CDYL2: variants seen among roughly 807,000 people sequenced by gnomAD.
CDYL2 encodes chromodomain Y like 2.
CDYL2 carries 23 observed loss-of-function variants against 49.4 expected under a neutral mutation model. The ratio of observed to expected loss-of-function variants is 0.47; its 90% CI spans 0.34 to 0.66. The LOEUF is 0.66. Among genes scored for constraint, CDYL2 ranks in the 30% least tolerant of loss-of-function variants. The pLI, the probability that CDYL2 is intolerant of heterozygous loss-of-function variation, is 0.01. For synonymous variants in CDYL2, 360 were observed against 268.8 expected, an observed-to-expected ratio of 1.34 and a Z score of -3.32; for missense variants, 678 against 656.4, an observed-to-expected ratio of 1.03 and a Z score of -0.36.
chr16:80,663,321 C>G (rs1288810323), intron 2 of CDYL2, among the ~76,000 whole-genome samples: 9 of 151,772 alleles, frequency 5.9e-5, no homozygotes. Flanking sequence ...GAAGACTCAT[C>G]AGTTCTACAG....
chr16:80,791,591 G>GGGATTAC (rs1187425878), intron 1 of CDYL2, among the ~76,000 whole-genome samples: 2 of 152,172 alleles, frequency 1.3e-5, no homozygotes, highest in Non-Finnish European at 2.9e-5. Context: ...CACATAAGCT[G>GGGATTAC]AGATCTGAAG....
At chr16:80,688,122 C>T (rs1039811335) in intron 1 of CDYL2, among the ~76,000 whole-genome samples, 1 of 152,194 alleles carries the variant, frequency 6.6e-6, no homozygotes, top group Non-Finnish European at 1.5e-5. Context: ...GGAGGCGGAG[C>T]TTAGTTTTGT....
At chr16:80,624,678 G>A (rs948752994) in intron 3 of CDYL2, among the ~76,000 whole-genome samples, 1 of 152,156 alleles carries the variant, frequency 6.6e-6, no homozygotes, top group Non-Finnish European at 1.5e-5. Context: ...AAAAGAGACT[G>A]TAAAATAGGG....
chr16:80,693,994 A>G (rs993319206), intron 1 of CDYL2, among the ~76,000 whole-genome samples: 2 of 152,232 alleles, frequency 1.3e-5, no homozygotes, highest in African/African-American at 4.8e-5. Context: ...ATTGGACAAA[A>G]TAAAGACAAA....
intron 4 of CDYL2, among the ~76,000 whole-genome samples, chr16:80,613,775 T>C (rs1056503656): frequency 6.6e-6 from 1 of 152,230 alleles, no homozygotes; most frequent in African/African-American, 2.4e-5. Context: ...ACAAGATGTC[T>C]AGTAAAGTCT....
Position 80,604,537 on chromosome 16 carries a change from C to CAGAG in CDYL2, c.1371_1372insCTCT (p.Glu458LeufsTer2). 6.2e-7 allele frequency: 1 copy of CAGAG among 1,614,200 alleles called. No homozygotes were observed. The highest frequency in any genetic ancestry group is 8.5e-7 in the Non-Finnish European group (1 of 1,180,024). ...AAGCTCCGCACGAGGCATTTGGACT[C>CAGAG]CTCTAACACCTAGAGGGAAATAGAC... is the stretch of plus-strand genomic sequence containing the variant. On this transcript the variant is annotated frameshift_variant, in exon 7 of 7. Coordinates refer to ENST00000570137, the MANE Select transcript of CDYL2 (RefSeq NM_152342.4). LOFTEE classifies it high-confidence loss of function.
chr16:80,642,610 T>A (rs945534850), intron 2 of CDYL2, among the ~76,000 whole-genome samples: 1 of 151,850 alleles, frequency 6.6e-6, no homozygotes, highest in Admixed American at 6.6e-5. Context: ...GAAAAAGAGG[T>A]TTAATTGGAC....
rs939119350 is a variant in CDYL2, at chr16:80,601,349, G to C, written c.*3039C>G. ...GCTAGAAAGGTCCCTGACTAAAGAG[G>C]TGTCCTCAATTGCCCACCCACAGCT... On this transcript the variant is annotated 3_prime_UTR_variant, in exon 7 of 7. Transcript: ENST00000570137. 1.3e-5 allele frequency: 2 copies of C among 152,166 alleles called. No individual in the cohort carries two copies. Among genetic ancestry groups the C allele is most frequent in the East Asian group, 3.9e-4 (2 of 5,190 alleles). The allele number at this position is 152,166 out of a possible 1,614,324, so 9.4% of individuals were successfully genotyped here.
intron 2 of CDYL2, among the ~76,000 whole-genome samples, chr16:80,654,617 A>T (rs76340072): frequency 0.015 from 2,310 of 152,220 alleles, 48 homozygotes; most frequent in African/African-American, 0.052. Flanking sequence ...AGGCTCATAA[A>T]TGGCATTGGG....
intron 2 of CDYL2, among the ~76,000 whole-genome samples, chr16:80,665,037 T>C (rs866424832): frequency 6.6e-6 from 1 of 152,212 alleles, no homozygotes; most frequent in South Asian, 2.1e-4. Flanking sequence ...GAACGAGGCA[T>C]GCTGAGACCT....
intron 1 of CDYL2, among the ~76,000 whole-genome samples, chr16:80,767,222 T>C (rs1418397982): frequency 1.1e-4 from 16 of 152,220 alleles, no homozygotes; most frequent in East Asian, 3.9e-4. Flanking sequence ...TTTCCTTTGA[T>C]TCTCCAATTA....
rs7202972 is a variant in CDYL2 at position 80,717,311 on chromosome 16, C to T, written c.25-32182G>A. ...AGACTGCCTTGTATGTCCTCTATGA[C>T]GATCTTGAATTATCACCAGTTCTCT... On this transcript the variant is annotated intron_variant, in intron 1 of 6. Transcript: ENST00000570137. Among the ~76,000 whole-genome samples, 773 of 152,294 alleles carry T rather than the reference C, an allele frequency of 5.1e-3. 9 individuals are homozygous for T. The highest frequency in any genetic ancestry group is 0.017 in the African/African-American group (724 of 41,556).
At chr16:80,716,828 T>C (rs1277635534) in intron 1 of CDYL2, among the ~76,000 whole-genome samples, 3 of 150,620 alleles carry the variant, frequency 2.0e-5, no homozygotes, top group African/African-American at 4.9e-5. Flanking sequence ...GCTGAATAGA[T>C]GGATGAATGG....
Position 80,685,143 on chromosome 16 carries a change from T to A in CDYL2, c.25-14A>T. 6.3e-7 allele frequency: 1 copy of A among 1,586,606 alleles called. No homozygotes were observed. The highest frequency in any genetic ancestry group is 1.1e-5 in the South Asian group (1 of 87,774). ...AATCCTTTCAACCTGCGATACAAGA[T>A]GAGAGGGTCAGAAAACAGAGAGAGA... On this transcript the variant is annotated splice_polypyrimidine_tract_variant and intron_variant, in intron 1 of 6. Coordinates refer to ENST00000570137, the MANE Select transcript of CDYL2 (RefSeq NM_152342.4).
rs543738082 is a variant in CDYL2 at position 80,753,178 on chromosome 16, A to G, written c.24+50972T>C. On this transcript the variant is annotated intron_variant, in intron 1 of 6. Transcript: ENST00000570137. ...CCAAGTCAAAGAAACAGAAACACAC[A>G]TAAATGGTCAATAATTTATTAGAAA... Among the ~76,000 whole-genome samples, 115 of 152,282 alleles carry G rather than the reference A, an allele frequency of 7.6e-4. 1 individual carries two copies. The highest frequency in any genetic ancestry group is 2.7e-3 in the African/African-American group (112 of 41,554).
chr16:80,627,598 T>C (rs1266940480), intron 3 of CDYL2: 2 of 152,224 alleles, frequency 1.3e-5, no homozygotes, highest in Admixed American at 6.5e-5. Flanking sequence ...GATTCTACCT[T>C]CTTGAAAGAC....
intron 1 of CDYL2, among the ~76,000 whole-genome samples, chr16:80,707,718 CTGTT>C (rs1904454808): frequency 6.6e-6 from 1 of 152,282 alleles, no homozygotes; most frequent in African/African-American, 2.4e-5. Flanking sequence ...GAATCTGTGT[CTGTT>C]TGTAAAAGTG....
At chr16:80,707,040 T>C (rs1175710236) in intron 1 of CDYL2, among the ~76,000 whole-genome samples, 1 of 152,144 alleles carries the variant, frequency 6.6e-6, no homozygotes, top group South Asian at 2.1e-4. Context: ...CCTCAGAGCA[T>C]GGGGGTGCAG....
chr16:80,658,448 C>T (rs1464468958), intron 2 of CDYL2, among the ~76,000 whole-genome samples: 1 of 152,066 alleles, frequency 6.6e-6, no homozygotes, highest in African/African-American at 2.4e-5. Flanking sequence ...AAATCTTGAA[C>T]TCTTCTTAGT....
Sources: gnomAD v4.1 joint callset for allele counts (sites outside exome capture counted in the v4.1 genomes callset) on GRCh38, gnomAD v4.1.1 for gene constraint, MANE v1.5 for transcripts, NCBI Gene and HGNC (gene_info 2026-07-23, HGNC 2026-07-21) for gene names.